DISC1: variants seen among roughly 807,000 people sequenced by gnomAD.
DISC1 encodes the protein DISC1 scaffold protein.
A neutral mutation model predicts 84.5 loss-of-function variants in DISC1; 57 were observed. That is an observed-to-expected ratio of 0.67 (90% CI 0.55 to 0.84). DISC1 has a LOEUF of 0.84. Ranked by LOEUF, DISC1 falls within the 40% of genes least tolerant of loss-of-function variation. The probability of loss-of-function intolerance (pLI) is 0.00; values close to 1 mark genes in which losing one functional copy is unlikely to be tolerated. For missense variants in DISC1, 1,000 were observed against 1,057.8 expected (o/e 0.95, Z 0.76); for synonymous variants, 411 against 415.2 (o/e 0.99, Z 0.12).
intron 3 of DISC1, among the ~76,000 whole-genome samples, chr1:231,725,356 GC>G (rs890030585): frequency 1.3e-5 from 2 of 152,192 alleles, no homozygotes; most frequent in African/African-American, 4.8e-5. Context: ...CCAGCAGATG[GC>G]GACAAAAGCC....
At chr1:231,629,743 T>A (rs1301314668) in intron 1 of DISC1, among the ~76,000 whole-genome samples, 2 of 152,176 alleles carry the variant, frequency 1.3e-5, no homozygotes, top group African/African-American at 4.8e-5. Flanking sequence ...TGCTCAAACA[T>A]TATGACATTA....
At chr1:231,920,968 G>A (rs536270114) in intron 9 of DISC1, among the ~76,000 whole-genome samples, 2 of 147,456 alleles carry the variant, frequency 1.4e-5, no homozygotes, top group South Asian at 2.2e-4. Flanking sequence ...GTGCAGTGGC[G>A]TGATCTCGGC....
intron 3 of DISC1, among the ~76,000 whole-genome samples, chr1:231,705,007 A>C (rs1229314738): frequency 6.6e-6 from 1 of 152,038 alleles, no homozygotes; most frequent in Non-Finnish European, 1.5e-5. Context: ...ATACACAGTA[A>C]GAATAATAAA....
At chr1:231,741,995 C>T (rs901974507) in intron 3 of DISC1, among the ~76,000 whole-genome samples, 4 of 152,166 alleles carry the variant, frequency 2.6e-5, no homozygotes, top group African/African-American at 7.2e-5. Context: ...TCCTGTTAAA[C>T]ATGAGCTAGA....
intron 9 of DISC1, among the ~76,000 whole-genome samples, chr1:231,856,296 A>G (rs902175991): frequency 6.6e-6 from 1 of 152,132 alleles, no homozygotes; most frequent in African/African-American, 2.4e-5. Flanking sequence ...TGGCAGGTCC[A>G]GGAGCATAAG....
At chr1:231,793,140 C>G (rs1348227463) in intron 6 of DISC1, among the ~76,000 whole-genome samples, 2 of 152,152 alleles carry the variant, frequency 1.3e-5, no homozygotes, top group Non-Finnish European at 2.9e-5. Context: ...ATAGTTCTTA[C>G]AGTTGAAGAA....
chr1:231,955,558 C>T (rs952687688), intron 9 of DISC1, among the ~76,000 whole-genome samples: 54 of 150,122 alleles, frequency 3.6e-4, no homozygotes, highest in Non-Finnish European at 6.3e-4. Flanking sequence ...GGCACGATCT[C>T]GGCTCACTGC....
intron 3 of DISC1, among the ~76,000 whole-genome samples, chr1:231,733,118 TA>T (rs1379678354): frequency 1.3e-5 from 2 of 150,808 alleles, no homozygotes; most frequent in African/African-American, 2.4e-5. Context: ...GTGGTAGTGG[TA>T]GGAGTGGTGG....
chr1:231,796,070 A>G (rs1251278519), intron 7 of DISC1, among the ~76,000 whole-genome samples: 1 of 152,186 alleles, frequency 6.6e-6, no homozygotes, highest in African/African-American at 2.4e-5. Context: ...TTATACTGCC[A>G]TAGCAAGACC....
intron 1 of DISC1, among the ~76,000 whole-genome samples, chr1:231,660,823 G>C (rs2061508812): frequency 6.6e-6 from 1 of 152,142 alleles, no homozygotes; most frequent in Non-Finnish European, 1.5e-5. Context: ...ATGCTAGCTG[G>C]TTATTTTGCA....
At chr1:231,885,981 A>G (rs543632282) in intron 9 of DISC1, among the ~76,000 whole-genome samples, 29 of 152,194 alleles carry the variant, frequency 1.9e-4, no homozygotes, top group Non-Finnish European at 3.5e-4. Flanking sequence ...GTTCAAGATC[A>G]AGGGCTGGCT....
chr1:231,874,782 G>T (rs1003630454), intron 9 of DISC1, among the ~76,000 whole-genome samples: 21 of 151,750 alleles, frequency 1.4e-4, no homozygotes, highest in Non-Finnish European at 2.5e-4. Flanking sequence ...GTGGTGGCGG[G>T]TGCCTGTAAT....
Position 231,918,042 on chromosome 1 carries a change from T to G in DISC1, c.1982-40786T>G, listed in dbSNP as rs74144193. On this transcript the variant is annotated intron_variant, in intron 9 of 12. Coordinates refer to ENST00000439617, the MANE Select transcript of DISC1 (RefSeq NM_018662.3). ...TTAGCATTGGAACTAGAACATCTGA[T>G]GCATGTTCATGACTTTGTCCTCACA... Among the ~76,000 whole-genome samples, 391 of 152,360 alleles carry G rather than the reference T, an allele frequency of 2.6e-3. 1 individual carries two copies. The highest frequency in any genetic ancestry group is 8.8e-3 in the African/African-American group (367 of 41,582).
intron 9 of DISC1, among the ~76,000 whole-genome samples, chr1:231,949,264 C>T (rs994152645): frequency 7.2e-5 from 11 of 152,136 alleles, no homozygotes; most frequent in African/African-American, 2.2e-4. Flanking sequence ...TCTTACTAGC[C>T]GGGGCACGTT....
chr1:231,647,327 T>C (rs910983205), intron 1 of DISC1, among the ~76,000 whole-genome samples: 3 of 152,230 alleles, frequency 2.0e-5, no homozygotes, highest in African/African-American at 7.2e-5. Context: ...GGGAATCCTT[T>C]CCCCATTTCT....
At chr1:231,931,824 AT>A (rs936619060) in intron 9 of DISC1, among the ~76,000 whole-genome samples, 12 of 150,422 alleles carry the variant, frequency 8.0e-5, no homozygotes, top group Middle Eastern at 3.4e-3. Flanking sequence ...ATTAAAAAAA[AT>A]TTTTTTTTTA....
intron 5 of DISC1, 127 bp downstream of exon 5, chr1:231,767,396 G>A: frequency 7.3e-7 from 1 of 1,376,746 alleles, no homozygotes; most frequent in Non-Finnish European, 9.9e-7. Flanking sequence ...TTGAGCTCCT[G>A]GGTGATTCTC....
intron 10 of DISC1, among the ~76,000 whole-genome samples, chr1:231,980,626 A>G (rs2102866928): frequency 6.6e-6 from 1 of 152,350 alleles, no homozygotes; most frequent in Admixed American, 6.5e-5. Flanking sequence ...TTGATGTTCC[A>G]GTAAGTGCAC....
chr1:232,013,559 A>G (rs1269642858), intron 11 of DISC1, among the ~76,000 whole-genome samples: 1 of 152,218 alleles, frequency 6.6e-6, no homozygotes, highest in Non-Finnish European at 1.5e-5. Flanking sequence ...TTTACATGGC[A>G]CAGGAGGCTT....
Sources: allele counts gnomAD v4.1 joint callset (sites outside exome capture counted in the v4.1 genomes callset), GRCh38; gene constraint gnomAD v4.1.1; transcripts MANE v1.5; gene names NCBI Gene and HGNC (gene_info 2026-07-23, HGNC 2026-07-21).